RTL9: variants seen among roughly 807,000 people sequenced by gnomAD.
RTL9 encodes the protein retrotransposon Gag like 9, also known as retrotransposon Gag-like protein 9.
A neutral mutation model predicts 44.7 loss-of-function variants in RTL9; 19 were observed. The ratio of observed to expected loss-of-function variants is 0.42; its 90% CI spans 0.30 to 0.62. RTL9 has a LOEUF of 0.62. RTL9 is among the 20% of genes least tolerant of loss of function. RTL9 has a pLI of 0.16. For missense variants in RTL9, 1,105 were observed against 1,080.6 expected, an observed-to-expected ratio of 1.02 and a Z score of -0.32; for synonymous variants, 407 against 398.9, an observed-to-expected ratio of 1.02 and a Z score of -0.24.
intron 1 of RTL9, among the ~76,000 whole-genome samples, chrX:110,382,617 T>C (rs1255182843): frequency 9.0e-6 from 1 of 111,279 alleles, no homozygotes. Flanking sequence ...AGTAGATGAG[T>C]TGTAAACAAG....
Position 110,386,223 on chromosome X carries a change from C to T in RTL9, c.-168+27307C>T, listed in dbSNP as rs182167276. ...AACCACCAAACTATTTTCCAAAGAGCCTGCACTATTTAAAATTCCCTCCAG... is the reference window on the plus strand; with the variant it reads ...AACCACCAAACTATTTTCCAAAGAGTCTGCACTATTTAAAATTCCCTCCAG... On this transcript the variant is annotated intron_variant, in intron 1 of 2. Transcript: ENST00000520821. Among the ~76,000 whole-genome samples the T allele has an allele frequency of 1.7e-3, 185 of 110,993 alleles. 4 individuals carry two copies. The East Asian group carries it at 0.044, about 26-fold the overall frequency.
intron 1 of RTL9, among the ~76,000 whole-genome samples, chrX:110,382,673 G>C (rs1214461862): frequency 9.0e-6 from 1 of 111,546 alleles, no homozygotes; most frequent in African/African-American, 3.3e-5. Context: ...TTATCTCTTA[G>C]AGTCCTCTCT....
chrX:110,441,047 T>C, intron 1 of RTL9, among the ~76,000 whole-genome samples: 1 of 112,219 alleles, frequency 8.9e-6, no homozygotes, highest in Non-Finnish European at 1.9e-5. Context: ...GGTCAGCATA[T>C]GTCATTCTTG....
At chrX:110,437,208 G>A (rs2068845167) in intron 1 of RTL9, among the ~76,000 whole-genome samples, 1 of 111,866 alleles carries the variant, frequency 8.9e-6, no homozygotes, top group African/African-American at 3.3e-5. Context: ...GAGATGGTGA[G>A]CCCCTGACCC....
chrX:110,365,898 T>C (rs2068294044), intron 1 of RTL9, among the ~76,000 whole-genome samples: 1 of 112,104 alleles, frequency 8.9e-6, no homozygotes, highest in Admixed American at 9.5e-5. Context: ...ATTGTGACAA[T>C]ACTATCTCTT....
At chrX:110,400,664 G>C (rs1051577028) in intron 1 of RTL9, among the ~76,000 whole-genome samples, 1 of 111,230 alleles carries the variant, frequency 9.0e-6, no homozygotes, top group African/African-American at 3.3e-5. Context: ...TGCTTGTCTC[G>C]CAAATATTTT....
At chrX:110,382,004 A>G (rs1312354352) in intron 1 of RTL9, among the ~76,000 whole-genome samples, 1 of 111,200 alleles carries the variant, frequency 9.0e-6, no homozygotes, top group Non-Finnish European at 1.9e-5. Flanking sequence ...CTGAATCTAA[A>G]ATAAAAATTA....
chrX:110,415,812 G>C (rs1192843281), upstream of RTL9, among the ~76,000 whole-genome samples: 1 of 111,268 alleles, frequency 9.0e-6, no homozygotes, highest in Non-Finnish European at 1.9e-5. Context: ...CTATAGCTTT[G>C]GGAGTCAGGT....
At chrX:110,395,424 C>T (rs1440525814) in intron 1 of RTL9, among the ~76,000 whole-genome samples, 1 of 111,732 alleles carries the variant, frequency 8.9e-6, no homozygotes, top group Non-Finnish European at 1.9e-5. Flanking sequence ...GGAGGGCATA[C>T]CGCCTACCTG....
At chrX:110,374,078 GA>G (rs1460082903) in intron 1 of RTL9, among the ~76,000 whole-genome samples, 1 of 111,791 alleles carries the variant, frequency 8.9e-6, no homozygotes, top group Non-Finnish European at 1.9e-5. Context: ...AAAAAAATAG[GA>G]AGAGATAATA....
At chrX:110,451,011 A>C in exon 1 of RTL9, 2 of 1,211,911 alleles carry the variant, frequency 1.7e-6, no homozygotes, top group Non-Finnish European at 1.1e-6. Flanking sequence ...ATTGCTGTCC[A>C]CTTCAGAGTA....
intron 1 of RTL9, among the ~76,000 whole-genome samples, chrX:110,422,077 T>C (rs924424073): frequency 2.6e-4 from 29 of 113,318 alleles, no homozygotes; most frequent in Non-Finnish European, 1.1e-4. Context: ...AATGGGGCTC[T>C]GGCTGGGATC....
At chrX:110,453,473 A>C in exon 1 of RTL9, 1 of 1,212,090 alleles carries the variant, frequency 8.3e-7, no homozygotes. Flanking sequence ...TGTCCAAGCC[A>C]TTAATGAGAG....
intron 1 of RTL9, among the ~76,000 whole-genome samples, chrX:110,410,371 T>C (rs2068633895): frequency 8.9e-6 from 1 of 111,915 alleles, no homozygotes; most frequent in Non-Finnish European, 1.9e-5. Context: ...AGTTTGGAAG[T>C]GAATCAACAA....
At chrX:110,442,020 C>T (rs1457932477) in intron 1 of RTL9, among the ~76,000 whole-genome samples, 1 of 111,077 alleles carries the variant, frequency 9.0e-6, no homozygotes, top group African/African-American at 3.3e-5. Context: ...CCACACAGTT[C>T]AGCTCTTATC....
chrX:110,363,994 T>C (rs981273134), intron 1 of RTL9, among the ~76,000 whole-genome samples: 13 of 111,941 alleles, frequency 1.2e-4, no homozygotes, highest in African/African-American at 4.2e-4. Context: ...CATAACAAAT[T>C]GCCACAAACT....
intron 1 of RTL9, among the ~76,000 whole-genome samples, chrX:110,364,090 C>T (rs143881838): frequency 6.5e-4 from 72 of 111,318 alleles, no homozygotes; most frequent in Non-Finnish European, 1.2e-3. Flanking sequence ...GGCCATGCTC[C>T]CTACAAAGGC....
At chrX:110,413,281 T>C (rs1328193843) in intron 1 of RTL9, among the ~76,000 whole-genome samples, 2 of 111,538 alleles carry the variant, frequency 1.8e-5, no homozygotes, top group African/African-American at 3.3e-5. Flanking sequence ...TGCTGAAACC[T>C]GAGTCTCCAC....
chrX:110,402,312 G>A (rs781135197), intron 1 of RTL9, among the ~76,000 whole-genome samples: 14 of 113,127 alleles, frequency 1.2e-4, no homozygotes, highest in South Asian at 3.6e-4. Context: ...GCCAGAAACC[G>A]TCATGGTCGG....
Sources: allele counts gnomAD v4.1 joint callset (sites outside exome capture counted in the v4.1 genomes callset), GRCh38; gene constraint gnomAD v4.1.1; transcripts MANE v1.5; gene names NCBI Gene and HGNC (gene_info 2026-07-23, HGNC 2026-07-21).